ABTB3: variants seen among roughly 807,000 people sequenced by gnomAD.
ABTB3 encodes ankyrin repeat and BTB domain containing 3.
chr12:107,469,125 A>G, the ABTB3 span, among the ~76,000 whole-genome samples: 1 of 152,198 alleles, frequency 6.6e-6, no homozygotes, highest in Non-Finnish European at 1.5e-5. Flanking sequence ...AGACCCCGGC[A>G]TGAGACACTG....
chr12:107,653,024 T>G, the ABTB3 span, among the ~76,000 whole-genome samples: 1 of 152,224 alleles, frequency 6.6e-6, no homozygotes, highest in Non-Finnish European at 1.5e-5. Context: ...TTCTCCTGCC[T>G]CAGCCTCCCA....
chr12:107,600,813 C>T, the ABTB3 span, among the ~76,000 whole-genome samples: 1 of 152,204 alleles, frequency 6.6e-6, no homozygotes, highest in Non-Finnish European at 1.5e-5. Context: ...TGAGAAGCCA[C>T]TGGAGCCACG....
the ABTB3 span, among the ~76,000 whole-genome samples, chr12:107,592,457 G>T: frequency 1.3e-5 from 2 of 152,134 alleles, no homozygotes; most frequent in African/African-American, 4.8e-5. Flanking sequence ...AATGCATTTT[G>T]TAATAGCAAA....
chr12:107,456,357 T>C, the ABTB3 span, among the ~76,000 whole-genome samples: 1 of 152,248 alleles, frequency 6.6e-6, no homozygotes, highest in Non-Finnish European at 1.5e-5. Flanking sequence ...TCTGTATTTA[T>C]AGTCGTTTCC....
chr12:107,530,661 A>G, the ABTB3 span, among the ~76,000 whole-genome samples: 2 of 152,132 alleles, frequency 1.3e-5, no homozygotes, highest in Non-Finnish European at 2.9e-5. Context: ...TTGGTATTGC[A>G]GTTCTATGTA....
the ABTB3 span, among the ~76,000 whole-genome samples, chr12:107,640,953 G>A: frequency 6.6e-6 from 1 of 152,178 alleles, no homozygotes; most frequent in Non-Finnish European, 1.5e-5. Context: ...ACAGGGAGCA[G>A]TGAGGCTGGG....
At chr12:107,568,815 GA>G in the ABTB3 span, among the ~76,000 whole-genome samples, 1 of 150,628 alleles carries the variant, frequency 6.6e-6, no homozygotes, top group Non-Finnish European at 1.5e-5. Flanking sequence ...CGCCACCCGT[GA>G]AGACACCGAA....
the ABTB3 span, among the ~76,000 whole-genome samples, chr12:107,578,383 CTT>C: frequency 7.0e-3 from 401 of 57,086 alleles, no homozygotes; most frequent in South Asian, 0.01. Context: ...CTTTCTTCTT[CTT>C]TTTTTTTTTT....
At chr12:107,629,074 A>G in the ABTB3 span, among the ~76,000 whole-genome samples, 2 of 152,108 alleles carry the variant, frequency 1.3e-5, no homozygotes, top group Admixed American at 1.3e-4. Flanking sequence ...TCACCCCCCA[A>G]ATTCACAGGA....
the ABTB3 span, among the ~76,000 whole-genome samples, chr12:107,554,233 C>T: frequency 1.3e-5 from 2 of 152,140 alleles, no homozygotes; most frequent in African/African-American, 4.8e-5. Flanking sequence ...TATTTGGAAC[C>T]TAAGGATCGT....
chr12:107,500,609 C>G, the ABTB3 span, among the ~76,000 whole-genome samples: 2 of 152,192 alleles, frequency 1.3e-5, no homozygotes, highest in Non-Finnish European at 2.9e-5. Flanking sequence ...TGCCTTCTAC[C>G]AGAGTTTCCT....
the ABTB3 span, among the ~76,000 whole-genome samples, chr12:107,489,081 T>G: frequency 3.9e-4 from 59 of 152,318 alleles, no homozygotes; most frequent in African/African-American, 1.4e-3. Context: ...GTTATTTGGC[T>G]TAAGATTCTG....
chr12:107,466,638 G>A, the ABTB3 span, among the ~76,000 whole-genome samples: 1 of 152,030 alleles, frequency 6.6e-6, no homozygotes, highest in African/African-American at 2.4e-5. Flanking sequence ...TGCAGACTTC[G>A]GCAGGGTGGG....
At chr12:107,435,554 G>A in the ABTB3 span, among the ~76,000 whole-genome samples, 2 of 152,272 alleles carry the variant, frequency 1.3e-5, no homozygotes, top group Admixed American at 6.5e-5. Flanking sequence ...GTCTCATGCA[G>A]TTGGTGCAGG....
At chr12:107,544,005 C>G in the ABTB3 span, 9 of 1,613,926 alleles carry the variant, frequency 5.6e-6, no homozygotes, top group Non-Finnish European at 7.6e-6. Context: ...ATGGCACCCC[C>G]CTGCACCACA....
chr12:107,613,425 C>A, the ABTB3 span, among the ~76,000 whole-genome samples: 2 of 152,158 alleles, frequency 1.3e-5, no homozygotes, highest in Non-Finnish European at 2.9e-5. Flanking sequence ...TGGTGGAAAG[C>A]ATGTCCCCCC....
chr12:107,580,805 T>C, the ABTB3 span: 1 of 1,509,742 alleles, frequency 6.6e-7, no homozygotes, highest in South Asian at 1.3e-5. Context: ...GCTTGGTGCT[T>C]CAAGTGACTC....
the ABTB3 span, among the ~76,000 whole-genome samples, chr12:107,526,324 G>A: frequency 6.6e-6 from 1 of 152,140 alleles, no homozygotes; most frequent in African/African-American, 2.4e-5. Context: ...CTGAGCCCTA[G>A]GAAATTTGCC....
the ABTB3 span, chr12:107,617,502 C>A: frequency 6.3e-7 from 1 of 1,582,900 alleles, no homozygotes; most frequent in Non-Finnish European, 8.6e-7. Flanking sequence ...GATTCCCAGG[C>A]CTACCCCAGA....
Sources: allele counts gnomAD v4.1 joint callset (sites outside exome capture counted in the v4.1 genomes callset), GRCh38; gene constraint gnomAD v4.1.1; transcripts MANE v1.5; gene names NCBI Gene and HGNC (gene_info 2026-07-23, HGNC 2026-07-21).